The following FOXP2 variants were observed in gnomAD, a reference collection of about 807,000 sequenced individuals.
FOXP2 encodes the protein forkhead box protein P2.
In FOXP2, 12 loss-of-function variants were observed where a neutral mutation model predicts 115.8. The ratio of observed to expected loss-of-function variants is 0.10; its 90% CI spans 0.07 to 0.17. The LOEUF (loss-of-function observed/expected upper bound fraction) is 0.17, where lower values mean the gene tolerates loss of function less well. Ranked by LOEUF, FOXP2 falls within the 10% of genes least tolerant of loss-of-function variation. The pLI is 1.00. For synonymous variants in FOXP2, 328 were observed against 297.7 expected, an observed-to-expected ratio of 1.10 and a Z score of -1.05; for missense variants, 629 against 843.5, an observed-to-expected ratio of 0.75 and a Z score of 3.15.
At chr7:114,112,298 T>C (rs985176325) in intron 1 of FOXP2, among the ~76,000 whole-genome samples, 4 of 151,878 alleles carry the variant, frequency 2.6e-5, no homozygotes, top group Non-Finnish European at 5.9e-5. Flanking sequence ...TTTCTGCACT[T>C]TTTTTTTCTT....
chr7:114,518,954 CT>C lies in FOXP2; in HGVS notation c.169-15660del, dbSNP rs1440362947. Among the ~76,000 whole-genome samples, 39 of 152,268 alleles carry C rather than the reference CT, an allele frequency of 2.6e-4. 1 individual carries two copies. Among genetic ancestry groups the C allele is most frequent in the African/African-American group, 9.1e-4 (38 of 41,540 alleles). ...GTTTGCATCACCGTCATTATTCTTA[CT>C]TTGTACTATGTGTCTATTCTACTCC... On this transcript the variant is annotated intron_variant, in intron 2 of 16. Coordinates refer to ENST00000350908, the MANE Select transcript of FOXP2 (RefSeq NM_014491.4).
intron 16 of FOXP2, 49 bp from the exon 17 acceptor site, chr7:114,689,733 T>C (rs752885685): frequency 6.8e-6 from 11 of 1,609,132 alleles, no homozygotes; most frequent in Non-Finnish European, 9.3e-6. Flanking sequence ...GGCCAAACTC[T>C]GTTTGTTGCT....
chr7:114,151,064 C>A (rs1238434969), intron 1 of FOXP2, among the ~76,000 whole-genome samples: 1 of 151,780 alleles, frequency 6.6e-6, no homozygotes, highest in Non-Finnish European at 1.5e-5. Context: ...CCACCGAATA[C>A]CATTTTTTTT....
chr7:114,300,469 T>C (rs191296607), intron 2 of FOXP2, among the ~76,000 whole-genome samples: 1 of 152,136 alleles, frequency 6.6e-6, no homozygotes, highest in Admixed American at 6.6e-5. Context: ...ATACATTTAA[T>C]GATTTTCTAT....
At chr7:114,218,759 G>A (rs1794547136) in intron 1 of FOXP2, among the ~76,000 whole-genome samples, 2 of 152,160 alleles carry the variant, frequency 1.3e-5, no homozygotes. Context: ...GTTCTATTAT[G>A]TGCTGTTTAA....
Position 114,690,129 on chromosome 7 carries a change from C to CTTTTTTTTT in FOXP2, c.*212_*220dup. Reference sequence around the variant, plus strand: ...TGCTTGTTTTCTTCTTCTTCTTCTTCTTTTTTTTTTTTTTTTTAGAAAAAA... The same window carrying CTTTTTTTTT: ...TGCTTGTTTTCTTCTTCTTCTTCTTCTTTTTTTTTTTTTTTTTTTTTTTTTTAGAAAAAA... On this transcript the variant is annotated 3_prime_UTR_variant, in exon 17 of 17. Coordinates refer to ENST00000350908, the MANE Select transcript of FOXP2 (RefSeq NM_014491.4). 3.6e-5 allele frequency: 15 copies of CTTTTTTTTT among 420,422 alleles called. No homozygotes were observed. Among genetic ancestry groups the CTTTTTTTTT allele is most frequent in the East Asian group, 1.7e-4 (3 of 17,216 alleles). The allele number at this position is 420,422 out of a possible 1,614,324, so 26.0% of individuals were successfully genotyped here.
chr7:114,320,469 C>T (rs919877869), intron 2 of FOXP2, among the ~76,000 whole-genome samples: 2 of 152,056 alleles, frequency 1.3e-5, no homozygotes, highest in African/African-American at 4.8e-5. Flanking sequence ...GTTATATTTC[C>T]CTGCTCCCAT....
chr7:114,342,777 A>G (rs1327840645), intron 2 of FOXP2, among the ~76,000 whole-genome samples: 2 of 151,552 alleles, frequency 1.3e-5, no homozygotes, highest in African/African-American at 2.4e-5. Flanking sequence ...AATAAATTTT[A>G]GGGAGGTTAA....
At chr7:114,413,156 A>G (rs1041907683), upstream of FOXP2, among the ~76,000 whole-genome samples, 1 of 152,134 alleles carries the variant, frequency 6.6e-6, no homozygotes, top group African/African-American at 2.4e-5. Flanking sequence ...TGATGTGATA[A>G]TGGAAACTAT....
chr7:114,199,611 C>G (rs1297502508), intron 1 of FOXP2, among the ~76,000 whole-genome samples: 1 of 152,144 alleles, frequency 6.6e-6, no homozygotes, highest in African/African-American at 2.4e-5. Context: ...ATGGTTATCA[C>G]ATCTGCAAAA....
intron 3 of FOXP2, among the ~76,000 whole-genome samples, chr7:114,559,887 TTAA>T (rs902594210): frequency 1.4e-5 from 2 of 144,284 alleles, no homozygotes; most frequent in African/African-American, 5.3e-5. Context: ...AGATTCCATC[TTAA>T]AAAAAAAAAA....
chr7:114,232,931 G>A (rs1344076562), intron 1 of FOXP2, among the ~76,000 whole-genome samples: 2 of 152,108 alleles, frequency 1.3e-5, no homozygotes, highest in African/African-American at 4.8e-5. Flanking sequence ...GACAAATACT[G>A]CTTGATTCCT....
intron 2 of FOXP2, among the ~76,000 whole-genome samples, chr7:114,336,199 C>T (rs1797850850): frequency 6.6e-6 from 1 of 150,630 alleles, no homozygotes; most frequent in Non-Finnish European, 1.5e-5. Context: ...AGAAAAAATA[C>T]TTTGCACAAT....
intron 3 of FOXP2, among the ~76,000 whole-genome samples, chr7:114,588,117 G>A (rs1802242902): frequency 2.0e-5 from 3 of 151,692 alleles, no homozygotes; most frequent in Admixed American, 2.0e-4. Context: ...AGACCATCCT[G>A]GCTAACATGG....
At chr7:114,365,611 T>C (rs999752653) in intron 2 of FOXP2, among the ~76,000 whole-genome samples, 3 of 152,146 alleles carry the variant, frequency 2.0e-5, no homozygotes, top group Non-Finnish European at 4.4e-5. Context: ...TTAATCTCTT[T>C]AGATCTCTAA....
chr7:114,682,812 A>G (rs1585025177), intron 16 of FOXP2, among the ~76,000 whole-genome samples: 1 of 152,286 alleles, frequency 6.6e-6, no homozygotes, highest in South Asian at 2.1e-4. Flanking sequence ...TTGAGATCCA[A>G]AAATGAGAAA....
chr7:114,570,975 A>T (rs958878654), intron 3 of FOXP2: 8 of 1,026,496 alleles, frequency 7.8e-6, no homozygotes, highest in Non-Finnish European at 1.2e-5. Context: ...TTCTATAGCC[A>T]ATCCCTTCCA....
intron 1 of FOXP2, among the ~76,000 whole-genome samples, chr7:114,170,597 T>C (rs1001571179): frequency 2.0e-5 from 3 of 152,166 alleles, no homozygotes; most frequent in African/African-American, 7.2e-5. Flanking sequence ...ATATGAGTGA[T>C]AAGAAAATGA....
At chr7:114,314,821 G>A (rs1797235246) in intron 2 of FOXP2, among the ~76,000 whole-genome samples, 2 of 152,138 alleles carry the variant, frequency 1.3e-5, no homozygotes, top group Non-Finnish European at 2.9e-5. Context: ...ATTATCAACA[G>A]CTGTGTGTTT....
Sources: gnomAD v4.1 joint callset for allele counts (sites outside exome capture counted in the v4.1 genomes callset) on GRCh38, gnomAD v4.1.1 for gene constraint, MANE v1.5 for transcripts, NCBI Gene and HGNC (gene_info 2026-07-23, HGNC 2026-07-21) for gene names.